The following F13A1 variants were observed in gnomAD, a reference collection of about 807,000 sequenced individuals.
F13A1 encodes the protein FSF, A subunit.
A neutral mutation model predicts 80.1 loss-of-function variants in F13A1; 47 were observed. The ratio of observed to expected loss-of-function variants is 0.59; its 90% CI spans 0.46 to 0.75. F13A1 has a LOEUF of 0.75. Among genes scored for constraint, F13A1 ranks in the 30% least tolerant of loss-of-function variants. The pLI is 0.00. For synonymous variants in F13A1, 349 were observed against 344.9 expected (o/e 1.01, Z -0.13); for missense variants, 817 against 930.4 (o/e 0.88, Z 1.59).
intron 3 of F13A1, among the ~76,000 whole-genome samples, chr6:6,275,014 G>A (rs1465049846): frequency 1.3e-5 from 2 of 152,298 alleles, no homozygotes; most frequent in East Asian, 3.9e-4. Flanking sequence ...TCCTAGGGAG[G>A]GGATGGAGAT....
In F13A1 at chr6:6,266,629, G is replaced by A. The variant is rs746272012; in HGVS notation, c.500C>T (p.Pro167Leu). ...KFRMYVAVWT[P>L]YGVLRTSRNP... ...TCGACTGGTTCGAAGTACGCCATAG[G>A]GAGTCCAGACAGCAACATACATGCG... Residue 167 changes from proline to leucine, a missense_variant, in exon 4 of 15, where the codon CCC becomes CTC. Pro to Leu is a moderately conservative substitution (Grantham distance 98). Transcript: ENST00000264870. 3 of 1,614,182 alleles carry A rather than the reference G, an allele frequency of 1.9e-6. No homozygotes were observed. The highest frequency in any genetic ancestry group is 2.5e-6 in the Non-Finnish European group (3 of 1,180,030).
intron 4 of F13A1, among the ~76,000 whole-genome samples, chr6:6,253,969 G>A (rs779014193): frequency 1.3e-5 from 2 of 152,086 alleles, no homozygotes; most frequent in Non-Finnish European, 1.5e-5. Context: ...TCTCCCTGAC[G>A]ATCTTTATTT....
intron 8 of F13A1, among the ~76,000 whole-genome samples, chr6:6,217,497 G>A (rs1425922318): frequency 1.4e-5 from 2 of 138,250 alleles, no homozygotes; most frequent in African/African-American, 5.5e-5. Flanking sequence ...ATGGACACAG[G>A]AAGGGGAACA....
At chr6:6,318,378 G>A (rs1030494695) in intron 2 of F13A1, among the ~76,000 whole-genome samples, 157 bp downstream of exon 2, 3 of 152,172 alleles carry the variant, frequency 2.0e-5, no homozygotes, top group Admixed American at 6.5e-5. Context: ...TTAAAAGAAA[G>A]CTTTTGCTTT....
intron 10 of F13A1, among the ~76,000 whole-genome samples, chr6:6,182,852 A>T (rs1305310266): frequency 6.6e-6 from 1 of 152,246 alleles, no homozygotes; most frequent in Non-Finnish European, 1.5e-5. Context: ...TTTCAGCCAC[A>T]TTAGTTCTGC....
At chr6:6,236,378 T>C (rs1290317368) in intron 6 of F13A1, among the ~76,000 whole-genome samples, 2 of 152,150 alleles carry the variant, frequency 1.3e-5, no homozygotes, top group Non-Finnish European at 2.9e-5. Context: ...TTATCTATGA[T>C]TTTAAAATTA....
chr6:6,276,335 C>A (rs748378833), intron 3 of F13A1, among the ~76,000 whole-genome samples: 1 of 152,200 alleles, frequency 6.6e-6, no homozygotes, highest in Non-Finnish European at 1.5e-5. Flanking sequence ...GGCTCCAGCA[C>A]CTGCTGATGC....
chr6:6,252,591 A>G (rs1223269429), intron 4 of F13A1, among the ~76,000 whole-genome samples: 2 of 152,258 alleles, frequency 1.3e-5, no homozygotes, highest in Non-Finnish European at 2.9e-5. Context: ...TGAGAGTCAT[A>G]TAAGTAGATA....
chr6:6,189,714 T>A (rs376321410), intron 10 of F13A1, among the ~76,000 whole-genome samples: 3 of 146,688 alleles, frequency 2.0e-5, no homozygotes, highest in Non-Finnish European at 4.5e-5. Flanking sequence ...GGAGTTGCTC[T>A]TCTCGAGGAG....
intron 10 of F13A1, among the ~76,000 whole-genome samples, chr6:6,190,332 GT>G (rs1341864635): frequency 6.6e-6 from 1 of 152,194 alleles, no homozygotes; most frequent in Non-Finnish European, 1.5e-5. Flanking sequence ...TTTCTGCTCT[GT>G]TTTTTCCCCA....
rs560599289 is a variant in F13A1, at chr6:6,306,466, G to A, written c.131-927C>T. ...GACAGGAGACGGCATGAGATGACAC[G>A]TATGCAAGCATTTAGCAAAGGGTCT... On this transcript the variant is annotated intron_variant, in intron 2 of 14. Transcript: ENST00000264870. Among the ~76,000 whole-genome samples the A allele has an allele frequency of 8.0e-4, 122 of 152,336 alleles. 2 individuals carry two copies. Among genetic ancestry groups the A allele is most frequent in the African/African-American group, 2.9e-3 (120 of 41,564 alleles).
intron 13 of F13A1, among the ~76,000 whole-genome samples, chr6:6,159,058 T>C (rs954736713): frequency 1.3e-5 from 2 of 152,074 alleles, no homozygotes; most frequent in Non-Finnish European, 2.9e-5. Context: ...CCCGCCACTA[T>C]GCCTGCCTAA....
At chr6:6,215,146 T>C (rs958045729) in intron 8 of F13A1, among the ~76,000 whole-genome samples, 7 of 128,884 alleles carry the variant, frequency 5.4e-5, no homozygotes, top group Admixed American at 2.3e-4. Context: ...TTCCAATCAA[T>C]AGAAAAAGAG....
In F13A1 at chr6:6,164,577, C is replaced by T. The variant is rs561239777; in HGVS notation, c.1908+2881G>A. On this transcript the variant is annotated intron_variant, in intron 13 of 14. Transcript: ENST00000264870. ...GTGTTTTATACAATTTATCTGACCC[C>T]TCTCCCTAGGCCTCCTTTGGAATAT... 5.1e-4 allele frequency among the ~76,000 whole-genome samples: 78 copies of T among 151,976 alleles called. 1 individual carries two copies. The highest frequency in any genetic ancestry group is 1.9e-3 in the African/African-American group (77 of 41,412).
chr6:6,224,243 T>G (rs3024402), intron 7 of F13A1, among the ~76,000 whole-genome samples: 99,542 of 151,972 alleles, frequency 0.66, 33,492 homozygotes, highest in African/African-American at 0.81. Context: ...AAATTAAGTG[T>G]ATATATTTAT....
At chr6:6,300,787 C>T (rs746122205) in intron 3 of F13A1, among the ~76,000 whole-genome samples, 3 of 150,826 alleles carry the variant, frequency 2.0e-5, no homozygotes, top group Non-Finnish European at 3.0e-5. Context: ...TTTTAAGTGC[C>T]CTTTATTTTT....
At chr6:6,297,809 T>C (rs1308023993) in intron 3 of F13A1, among the ~76,000 whole-genome samples, 1 of 150,226 alleles carries the variant, frequency 6.7e-6, no homozygotes, top group Non-Finnish European at 1.5e-5. Flanking sequence ...GTGTTTGCTC[T>C]TGCTTTTCTA....
At chr6:6,220,563 C>CTG (rs1264558992) in intron 8 of F13A1, among the ~76,000 whole-genome samples, 61 of 145,900 alleles carry the variant, frequency 4.2e-4, no homozygotes, top group Non-Finnish European at 8.1e-4. Flanking sequence ...GTCTGTGTGT[C>CTG]TGTCTGTGTG....
At chr6:6,295,633 T>C (rs2113165199) in intron 3 of F13A1, among the ~76,000 whole-genome samples, 1 of 144,086 alleles carries the variant, frequency 6.9e-6, no homozygotes, top group Non-Finnish European at 1.5e-5. Context: ...TCATTGTAGA[T>C]TCTGGATATT....
Sources: allele counts gnomAD v4.1 joint callset (sites outside exome capture counted in the v4.1 genomes callset), GRCh38; gene constraint gnomAD v4.1.1; transcripts MANE v1.5; gene names NCBI Gene and HGNC (gene_info 2026-07-23, HGNC 2026-07-21).